The following DNAH10 variants were observed in gnomAD, a reference collection of about 807,000 sequenced individuals.
DNAH10 encodes dynein axonemal heavy chain 10.
DNAH10 carries 348 observed loss-of-function variants against 506.6 expected under a neutral mutation model. The ratio of observed to expected loss-of-function variants is 0.69; its 90% CI spans 0.63 to 0.75. The LOEUF is 0.75. DNAH10 is among the 30% of genes least tolerant of loss of function. The probability of loss-of-function intolerance (pLI) is 0.00; values close to 1 mark genes in which losing one functional copy is unlikely to be tolerated. For missense variants in DNAH10, 5,179 were observed against 5,787.1 expected, an observed-to-expected ratio of 0.89 and a Z score of 3.41; for synonymous variants, 2,059 against 2,198.6, an observed-to-expected ratio of 0.94 and a Z score of 1.78.
intron 56 of DNAH10, among the ~76,000 whole-genome samples, chr12:123,901,755 G>A (rs1362628194): frequency 6.6e-6 from 1 of 152,120 alleles, no homozygotes; most frequent in East Asian, 1.9e-4. Flanking sequence ...CTGCCTCCTG[G>A]GTTTAAGCGA....
intron 3 of DNAH10, 22 bp from the exon 4 acceptor site, chr12:123,772,812 G>T: frequency 1.9e-6 from 3 of 1,566,264 alleles, no homozygotes; most frequent in Admixed American, 1.8e-5. Flanking sequence ...AGAATGAATG[G>T]TTTTTGTTCC....
chr12:123,893,368 ACCTGCACATTG>A lies in DNAH10; in HGVS notation c.9132_9142del (p.Leu3045ProfsTer23). The A allele has an allele frequency of 1.2e-6, 2 of 1,613,890 alleles. No homozygotes were observed. The highest frequency in any genetic ancestry group is 1.7e-6 in the Non-Finnish European group (2 of 1,179,884). The stretch of plus-strand genomic sequence containing the variant: ...TACTTCGTGAACAAAAGTGCAAATA[ACCTGCACATTG>A]TCCTGGGCATGTCGCCAGTGGGGGA... On this transcript the variant is annotated frameshift_variant, in exon 53 of 79. Transcript: ENST00000673944. LOFTEE classifies it high-confidence loss of function.
Position 123,870,501 on chromosome 12 carries a change from A to G in DNAH10, c.7639+16A>G. ...AACATCCTGGGTAAGTCAGAGTCAA[A>G]TCCTTGTTCCTGGGTTTAGGAGTGT... On this transcript the variant is annotated intron_variant, in intron 44 of 78. Transcript: ENST00000673944. 6.2e-7 allele frequency: 1 copy of G among 1,611,244 alleles called. No individual in the cohort carries two copies. Among genetic ancestry groups the G allele is most frequent in the East Asian group, 2.2e-5 (1 of 44,836 alleles).
At position 123,931,763 on chromosome 12, in the gene DNAH10, C is replaced by T. The variant is rs755700072; in HGVS notation, c.13044C>T (p.Pro4348=). The change falls in exon 75 of 79, where the codon CCC becomes CCT. Residue 4348 remains proline (P), a synonymous_variant. Transcript: ENST00000673944. ...VRKRLGTGLS[P]TSVVLLQELE... ...AGCGCCTCGGAACAGGACTCTCCCC[C>T]ACTTCGGTGGTGCTCCTGCAGGAAC... The T allele has an allele frequency of 2.6e-5, 42 of 1,613,956 alleles. No homozygotes were observed. Among genetic ancestry groups the T allele is most frequent in the Non-Finnish European group, 3.5e-5 (41 of 1,179,908 alleles).
At position 123,812,775 on chromosome 12, in the gene DNAH10, C is replaced by T. The variant is rs1958991081; in HGVS notation, c.3145-389C>T. Among the ~76,000 whole-genome samples, 3 of 152,252 alleles carry T rather than the reference C, an allele frequency of 2.0e-5. No individual in the cohort carries two copies. In the South Asian group the frequency reaches 6.2e-4, roughly 32 times the overall value. On this transcript the variant is annotated intron_variant, in intron 19 of 78. Transcript: ENST00000673944. ...GTCTAGCAGTTGATGACCTCAAGCA[C>T]AGCTCTGATGGGTGGCGGCTGGGGT...
rs1372292520 is a variant in DNAH10 at position 123,787,693 on chromosome 12, G to C, written c.1422-111G>C. 7 of 1,323,350 alleles carry C rather than the reference G, an allele frequency of 5.3e-6. No homozygotes were observed. The highest frequency in any genetic ancestry group is 3.9e-5 in the South Asian group (3 of 76,476). The allele number at this position is 1,323,350 out of a possible 1,614,324, so 82.0% of individuals were successfully genotyped here. A position where few individuals can be genotyped will look rare whatever the true frequency, so the allele number is the denominator to read the frequency against. On this transcript the variant is annotated intron_variant, in intron 9 of 78. Transcript: ENST00000673944. The surrounding 1 kb of genome is among the most constrained non-coding windows in gnomAD (Gnocchi z 4.6). ...CTTTTCCGATGAGGCCGTGAAACCA[G>C]GGGGGGCGCCCGGGTCAGAGCTTCA...
intron 38 of DNAH10, among the ~76,000 whole-genome samples, chr12:123,860,115 C>T (rs1399818330): frequency 2.0e-5 from 3 of 152,070 alleles, no homozygotes; most frequent in Non-Finnish European, 4.4e-5. Context: ...TGACTCCTCA[C>T]TTCTCTTCTA....
intron 19 of DNAH10, among the ~76,000 whole-genome samples, chr12:123,811,507 A>T (rs989390997): frequency 8.7e-5 from 12 of 137,148 alleles, no homozygotes; most frequent in South Asian, 2.3e-4. Context: ...ATTTTTATTT[A>T]TTTTTTTTTT....
intron 21 of DNAH10, among the ~76,000 whole-genome samples, chr12:123,815,840 C>A (rs188638920): frequency 3.3e-5 from 5 of 152,322 alleles, no homozygotes; most frequent in Non-Finnish European, 1.5e-5. Flanking sequence ...TCCTAGGCTA[C>A]AATCCTGTCC....
At chr12:123,838,784 G>A (rs1950661497) in intron 29 of DNAH10, 95 bp downstream of exon 29, 2 of 1,136,136 alleles carry the variant, frequency 1.8e-6, no homozygotes, top group South Asian at 1.4e-5. Flanking sequence ...CAACCCAGAG[G>A]GTTAAGACTG....
chr12:123,813,098 A>T, intron 19 of DNAH10, 66 bp from the exon 20 acceptor site: 2 of 1,149,104 alleles, frequency 1.7e-6, no homozygotes. Context: ...CTGAATACTA[A>T]TATGTACGTT....
chr12:123,928,331 G>A lies in DNAH10; in HGVS notation c.12106-56G>A. ...TGGGTGTGGAGTGGGTCTCTGGAGAGCACGGGGTTGGGTTTGGATGCCAAC... is the reference window on the plus strand; with the variant it reads ...TGGGTGTGGAGTGGGTCTCTGGAGAACACGGGGTTGGGTTTGGATGCCAAC... On this transcript the variant is annotated intron_variant, in intron 69 of 78. Transcript: ENST00000673944. This position sits in a 1 kb window ranked among gnomAD's most constrained non-coding sequence, Gnocchi z 4.9. 6.5e-7 allele frequency: 1 copy of A among 1,536,728 alleles called. No homozygotes were observed. The highest frequency in any genetic ancestry group is 1.2e-5 in the South Asian group (1 of 82,808).
chr12:123,921,854 C>T (rs1954745471), intron 65 of DNAH10, among the ~76,000 whole-genome samples: 2 of 151,568 alleles, frequency 1.3e-5, no homozygotes, highest in South Asian at 4.2e-4. Context: ...GCTGGGATTA[C>T]AGGCACCTAC....
At chr12:123,830,749 C>T (rs1960458205) in intron 26 of DNAH10, 50 bp downstream of exon 26, 1 of 1,427,200 alleles carries the variant, frequency 7.0e-7, no homozygotes, top group Non-Finnish European at 9.4e-7. Flanking sequence ...TTTTTTAATT[C>T]AAAGAGAAAA....
In DNAH10 at chr12:123,848,101, G is replaced by A; in HGVS notation, c.5949+6G>A. 1 of 1,611,462 alleles carries A rather than the reference G, an allele frequency of 6.2e-7. No individual in the cohort carries two copies. Among genetic ancestry groups the A allele is most frequent in the Non-Finnish European group, 8.5e-7 (1 of 1,178,476 alleles). ...GCGAAGGCATGGATTACAGGGTAAG[G>A]CCTGGCTGTCACCTTTGGTACTGGC... On this transcript the variant is annotated splice_donor_region_variant and intron_variant, in intron 33 of 78. Transcript: ENST00000673944.
intron 52 of DNAH10, among the ~76,000 whole-genome samples, chr12:123,888,990 A>G (rs1238468855): frequency 6.6e-6 from 1 of 152,112 alleles, no homozygotes; most frequent in Non-Finnish European, 1.5e-5. Context: ...TTGCTGTGTT[A>G]TTCATTGAGC....
At position 123,918,816 on chromosome 12, in the gene DNAH10, G is replaced by A; in HGVS notation, c.11373G>A (p.Gln3791=). 6.2e-7 allele frequency: 1 copy of A among 1,613,970 alleles called. No homozygotes were observed. Among genetic ancestry groups the A allele is most frequent in the Admixed American group, 1.7e-5 (1 of 60,030 alleles). The stretch of plus-strand genomic sequence containing the variant: ...TGGCCCTGGTGAACTCCATGTACCA[G>A]TACTCCCTGATTGCCTTCTTAGAGG... ...SEMALVNSMY[Q]YSLIAFLEVF... The change falls in exon 65 of 79, where the codon CAG becomes CAA. Residue 3791 remains glutamine, a synonymous_variant. Transcript: ENST00000673944.
At chr12:123,874,669 T>C (rs370953206) in intron 46 of DNAH10, among the ~76,000 whole-genome samples, 3 of 152,014 alleles carry the variant, frequency 2.0e-5, no homozygotes, top group African/African-American at 7.3e-5. Context: ...TCTGTCATTA[T>C]CAATGTATGA....
In DNAH10 at chr12:123,790,990, T is replaced by C. The variant is rs116995360; in HGVS notation, c.1815+869T>C. Among the ~76,000 whole-genome samples, 202 of 152,106 alleles carry C rather than the reference T, an allele frequency of 1.3e-3. 3 individuals carry two copies. In the East Asian group the frequency reaches 0.027, roughly 21 times the overall value. The stretch of plus-strand genomic sequence containing the variant: ...AAAACTTTAAAAAATTAGCCAGGCA[T>C]GGTGGCTTCTTCCTGTAGTCCCAGC... On this transcript the variant is annotated intron_variant, in intron 11 of 78. Transcript: ENST00000673944.
Sources: allele counts gnomAD v4.1 joint callset (sites outside exome capture counted in the v4.1 genomes callset), GRCh38; gene constraint gnomAD v4.1.1; non-coding constraint Gnocchi (gnomAD v3.1); transcripts MANE v1.5; gene names NCBI Gene and HGNC (gene_info 2026-07-23, HGNC 2026-07-21).